The following RHBDD1 variants were observed in gnomAD, a reference collection of about 807,000 sequenced individuals.
RHBDD1 encodes the protein rhomboid domain containing 1, also known as rhomboid-related protein 4.
RHBDD1 carries 38 observed loss-of-function variants against 36.3 expected under a neutral mutation model. That is an observed-to-expected ratio of 1.05 (90% CI 0.81 to 1.37). The LOEUF (loss-of-function observed/expected upper bound fraction) is 1.37, where lower values mean the gene tolerates loss of function less well. RHBDD1 is among the 40% of genes most tolerant of loss of function. The pLI is 0.00. For synonymous variants in RHBDD1, 151 were observed against 136.5 expected (o/e 1.11, Z -0.74); for missense variants, 393 against 377.6 (o/e 1.04, Z -0.34).
At chr2:226,904,368 C>T (rs761216433) in intron 5 of RHBDD1, among the ~76,000 whole-genome samples, 40 of 137,134 alleles carry the variant, frequency 2.9e-4, no homozygotes, top group African/African-American at 1.0e-3. Flanking sequence ...TAAGCATGCA[C>T]GGTCACCAAA....
intron 8 of RHBDD1, among the ~76,000 whole-genome samples, chr2:226,962,851 G>GAAA (rs1327913294): frequency 6.6e-6 from 1 of 152,184 alleles, no homozygotes; most frequent in Non-Finnish European, 1.5e-5. Context: ...AAAATTTGAA[G>GAAA]ATGGTTGGTT....
intron 8 of RHBDD1, among the ~76,000 whole-genome samples, chr2:226,945,585 G>C (rs1427003000): frequency 4.6e-5 from 7 of 152,118 alleles, no homozygotes; most frequent in Non-Finnish European, 1.0e-4. Flanking sequence ...TTGGTTCCAA[G>C]TCTTTGCTAT....
intron 8 of RHBDD1, among the ~76,000 whole-genome samples, chr2:226,971,460 T>A (rs1953486430): frequency 6.6e-6 from 1 of 152,264 alleles, no homozygotes; most frequent in African/African-American, 2.4e-5. Flanking sequence ...TTTCTCATTG[T>A]TTTGTTCCAA....
Position 226,976,785 on chromosome 2 carries a change from T to C in RHBDD1, c.857-18646T>C, listed in dbSNP as rs779106339. 6.9e-4 allele frequency among the ~76,000 whole-genome samples: 105 copies of C among 152,126 alleles called. 1 individual carries two copies. The highest frequency in any genetic ancestry group is 3.9e-4 in the Admixed American group (6 of 15,262). On this transcript the variant is annotated intron_variant, in intron 8 of 8. Transcript: ENST00000392062. ...GGGCCTATCGGGTAGGTGTCTGGAG[T>C]GAGGCCTCTTGGCCCTGGGTCACAA...
intron 3 of RHBDD1, among the ~76,000 whole-genome samples, chr2:226,846,183 TA>T (rs1309980914): frequency 1.3e-5 from 2 of 152,218 alleles, no homozygotes; most frequent in African/African-American, 2.4e-5. Context: ...TGTCCTGGAA[TA>T]ACTATAATCA....
chr2:226,960,694 T>G (rs1420753161), intron 8 of RHBDD1, among the ~76,000 whole-genome samples: 1 of 152,236 alleles, frequency 6.6e-6, no homozygotes, highest in African/African-American at 2.4e-5. Context: ...GGATTTCCAC[T>G]TGAAATAAGC....
chr2:226,822,609 A>C, the RHBDD1 span, among the ~76,000 whole-genome samples: 5 of 147,424 alleles, frequency 3.4e-5, no homozygotes, highest in African/African-American at 1.3e-4. Context: ...ACTCCAGCTT[A>C]GGCGGCATAG....
intron 8 of RHBDD1, among the ~76,000 whole-genome samples, chr2:226,928,298 A>T (rs1486666031): frequency 2.6e-5 from 4 of 152,114 alleles, no homozygotes; most frequent in Non-Finnish European, 5.9e-5. Flanking sequence ...GTCATATCAG[A>T]TATCTTCTCA....
intron 4 of RHBDD1, among the ~76,000 whole-genome samples, chr2:226,865,915 G>A (rs569883775): frequency 3.3e-5 from 5 of 152,286 alleles, no homozygotes; most frequent in South Asian, 2.1e-4. Context: ...ACTGTCCTGC[G>A]ATGCCTCTGG....
rs141814514 is a variant in RHBDD1 at position 226,867,244 on chromosome 2, C to T, written c.492C>T (p.Asn164=). 9.7e-4 allele frequency: 1,562 copies of T among 1,613,556 alleles called. 1 individual carries two copies. The highest frequency in any genetic ancestry group is 1.2e-3 in the Non-Finnish European group (1,405 of 1,179,734). The change falls in exon 5 of 9, where the codon AAC becomes AAT. Residue 164 remains asparagine, a synonymous_variant. Coordinates refer to ENST00000392062, the MANE Select transcript of RHBDD1 (RefSeq NM_001167608.3). ...NNHYCPGGFV[N]ILGFPVPNRF... ...ATTATTGCCCTGGAGGCTTTGTCAA[C>T]ATTTTGGGCTTTCCTGTACCGAACA...
chr2:226,934,182 C>G (rs578214373), intron 8 of RHBDD1, among the ~76,000 whole-genome samples: 1 of 152,232 alleles, frequency 6.6e-6, no homozygotes, highest in South Asian at 2.1e-4. Flanking sequence ...TATACCTTTT[C>G]TATGTTTAGA....
intron 8 of RHBDD1, among the ~76,000 whole-genome samples, chr2:226,929,679 G>A (rs944267333): frequency 5.3e-5 from 8 of 151,756 alleles, no homozygotes; most frequent in Admixed American, 3.9e-4. Context: ...AAGAAAGGAC[G>A]TTCAAATTAG....
intron 8 of RHBDD1, chr2:226,942,475 A>AAG: frequency 3.3e-6 from 1 of 301,134 alleles, no homozygotes. Context: ...TCCTGACCTC[A>AAG]TGATCCACCC....
chr2:226,908,602 CA>C (rs1297651066), intron 6 of RHBDD1: 6 of 534,164 alleles, frequency 1.1e-5, no homozygotes, highest in African/African-American at 8.8e-5. Context: ...CACACACACA[CA>C]CACACACACA....
At chr2:226,950,911 C>G (rs1412437785) in intron 8 of RHBDD1, among the ~76,000 whole-genome samples, 1 of 152,078 alleles carries the variant, frequency 6.6e-6, no homozygotes, top group African/African-American at 2.4e-5. Context: ...GAAATTTTTC[C>G]CATTCCATCA....
chr2:226,874,528 G>A (rs1480581600), intron 5 of RHBDD1, among the ~76,000 whole-genome samples: 6 of 152,114 alleles, frequency 3.9e-5, no homozygotes, highest in Non-Finnish European at 8.8e-5. Context: ...GCTCCTGGTG[G>A]CTGCTGCCAT....
At chr2:226,985,498 A>T (rs1956732595) in intron 8 of RHBDD1, among the ~76,000 whole-genome samples, 1 of 152,246 alleles carries the variant, frequency 6.6e-6, no homozygotes, top group Admixed American at 6.5e-5. Flanking sequence ...CAGCAGATTT[A>T]ATGTCATAGG....
intron 8 of RHBDD1, among the ~76,000 whole-genome samples, chr2:226,977,400 G>A (rs944165928): frequency 9.9e-5 from 15 of 152,110 alleles, no homozygotes; most frequent in African/African-American, 2.4e-4. Flanking sequence ...AGAATGTTAC[G>A]TCTTCAGATG....
chr2:226,914,341 C>T lies in RHBDD1; in HGVS notation c.846C>T (p.Leu282=), dbSNP rs768093608. 3.1e-5 allele frequency: 50 copies of T among 1,613,190 alleles called. No individual in the cohort carries two copies. Among genetic ancestry groups the T allele is most frequent in the Non-Finnish European group, 4.1e-5 (48 of 1,179,522 alleles). Reference sequence around the variant, plus strand: ...TCGAGAGAGCATTACAAGCCAGCCTCTGGGACCGAGGTAGGAGTCTTGCGC... The same window carrying T: ...TCGAGAGAGCATTACAAGCCAGCCTTTGGGACCGAGGTAGGAGTCTTGCGC... ...EQLERALQAS[L]WDRGNTRNSP... Residue 282 remains leucine (L), a synonymous_variant, in exon 8 of 9, where the codon CTC becomes CTT. Transcript: ENST00000392062.
Sources: gnomAD v4.1 joint callset for allele counts (sites outside exome capture counted in the v4.1 genomes callset) on GRCh38, gnomAD v4.1.1 for gene constraint, MANE v1.5 for transcripts, NCBI Gene and HGNC (gene_info 2026-07-23, HGNC 2026-07-21) for gene names.